Variants in TASP1 observed in about 807,000 individuals in gnomAD.
TASP1 encodes taspase 1.
Under a neutral mutation model 56.6 loss-of-function variants are expected in TASP1, and 16 were observed. The observed-to-expected ratio is 0.28, with a 90% CI of 0.19 to 0.43. TASP1 has a LOEUF of 0.43. Ranked by LOEUF, TASP1 falls within the 20% of genes least tolerant of loss-of-function variation. TASP1 has a pLI of 1.00. For synonymous variants in TASP1, 179 were observed against 184.2 expected (o/e 0.97, Z 0.23); for missense variants, 393 against 511.6 (o/e 0.77, Z 2.24).
At chr20:13,310,039 C>T in the TASP1 span, among the ~76,000 whole-genome samples, 3 of 152,108 alleles carry the variant, frequency 2.0e-5, no homozygotes, top group African/African-American at 7.2e-5. Flanking sequence ...AAATTCGATG[C>T]AATCCCTAAC....
Position 13,625,243 on chromosome 20 carries a change from T to C in TASP1, c.155A>G (p.Tyr52Cys). 1 of 1,608,196 alleles carries C rather than the reference T, an allele frequency of 6.2e-7. No individual in the cohort carries two copies. The highest frequency in any genetic ancestry group is 8.5e-7 in the Non-Finnish European group (1 of 1,178,300). The change falls in exon 3 of 14, where the codon TAT becomes TGT. Residue 52 changes from tyrosine to cysteine, a missense_variant. Physicochemically the swap from Tyr to Cys is radical, Grantham distance 194. This residue lies in a region of TASP1 where 48 missense variants were observed against 106.2 expected (regional missense o/e 0.45). Transcript: ENST00000337743. Reference protein sequence around the residue: ...GFVLVHAGAGYHSESKAKEYK... With the variant: ...GFVLVHAGAGCHSESKAKEYK... ...CTCCTTGGCTTTGGATTCAGAATGA[T>C]AACCTGCACCTAAAGTAGAAAATAA...
rs1363029086 is a variant in TASP1, at chr20:13,528,517, G to GA, written c.796-7dup. The GA allele has an allele frequency of 1.2e-6, 2 of 1,600,372 alleles. No individual in the cohort carries two copies. The highest frequency in any genetic ancestry group is 1.1e-5 in the South Asian group (1 of 88,310). On this transcript the variant is annotated splice_region_variant and splice_polypyrimidine_tract_variant and intron_variant, in intron 9 of 13. Coordinates refer to ENST00000337743, the MANE Select transcript of TASP1 (RefSeq NM_017714.3). The stretch of plus-strand genomic sequence containing the variant: ...CCACATCCATAAAGAGCAGCCTGGG[G>GA]AAAAAAGAAAATAGATATAATATTT...
At chr20:13,524,421 G>A (rs1164926370) in intron 10 of TASP1, among the ~76,000 whole-genome samples, 2 of 152,066 alleles carry the variant, frequency 1.3e-5, no homozygotes, top group African/African-American at 4.8e-5. Flanking sequence ...AAAGTCCATG[G>A]TGAATAATCT....
chr20:13,204,602 C>T, the TASP1 span, among the ~76,000 whole-genome samples: 117 of 151,762 alleles, frequency 7.7e-4, no homozygotes, highest in African/African-American at 2.6e-3. Context: ...TGCAGTGGCG[C>T]GATCTGGGCT....
At chr20:13,191,079 C>CA in the TASP1 span, among the ~76,000 whole-genome samples, 2 of 151,990 alleles carry the variant, frequency 1.3e-5, no homozygotes, top group East Asian at 3.9e-4. Context: ...ATGAAAATTA[C>CA]AAAAAATAAC....
At chr20:13,573,378 C>A (rs981710789) in intron 6 of TASP1, among the ~76,000 whole-genome samples, 7 of 152,152 alleles carry the variant, frequency 4.6e-5, no homozygotes, top group Non-Finnish European at 1.0e-4. Flanking sequence ...TAATGGGACA[C>A]TGAATCCCCC....
chr20:13,302,813 C>T, the TASP1 span, among the ~76,000 whole-genome samples: 15 of 152,218 alleles, frequency 9.9e-5, no homozygotes, highest in African/African-American at 3.6e-4. Context: ...CAGAGATGCC[C>T]ACGGCCCTCT....
intron 8 of TASP1, among the ~76,000 whole-genome samples, chr20:13,545,094 C>A (rs1186127877): frequency 6.6e-6 from 1 of 151,638 alleles, no homozygotes; most frequent in Non-Finnish European, 1.5e-5. Context: ...ATGAATATAC[C>A]CACAAAAATA....
At chr20:13,191,639 A>G in the TASP1 span, among the ~76,000 whole-genome samples, 6 of 152,312 alleles carry the variant, frequency 3.9e-5, no homozygotes, top group African/African-American at 1.4e-4. Context: ...ACAAAATTAC[A>G]GTTAGATGAG....
At chr20:13,514,688 A>G (rs1383658427) in intron 10 of TASP1, among the ~76,000 whole-genome samples, 5 of 152,154 alleles carry the variant, frequency 3.3e-5, no homozygotes, top group African/African-American at 1.2e-4. Flanking sequence ...GATTTTTTAA[A>G]ACAACTATCC....
the TASP1 span, chr20:13,110,271 C>T: frequency 7.4e-6 from 11 of 1,489,770 alleles, no homozygotes; most frequent in Non-Finnish European, 1.0e-5. Context: ...GCAAGCTGAC[C>T]AGTGCGGAAA....
At chr20:13,155,818 T>TC in the TASP1 span, among the ~76,000 whole-genome samples, 1 of 152,116 alleles carries the variant, frequency 6.6e-6, no homozygotes, top group East Asian at 1.9e-4. Context: ...AGAGCAAGAC[T>TC]CCGTCTAAAA....
At chr20:13,623,364 A>G in intron 4 of TASP1, 82 bp downstream of exon 4, 1 of 1,168,024 alleles carries the variant, frequency 8.6e-7, no homozygotes. Flanking sequence ...TTTATGGTTG[A>G]CTAACTCAAC....
the TASP1 span, among the ~76,000 whole-genome samples, chr20:13,319,121 G>A: frequency 6.6e-6 from 1 of 152,214 alleles, no homozygotes; most frequent in South Asian, 2.1e-4. Context: ...TATGGGGGCA[G>A]GGGATATTTG....
chr20:13,538,958 G>A (rs2045518812), intron 8 of TASP1, among the ~76,000 whole-genome samples: 1 of 152,092 alleles, frequency 6.6e-6, no homozygotes, highest in South Asian at 2.1e-4. Flanking sequence ...TGGGATGGGA[G>A]AATCGCTTGA....
At chr20:13,328,902 C>A in the TASP1 span, among the ~76,000 whole-genome samples, 1 of 152,114 alleles carries the variant, frequency 6.6e-6, no homozygotes, top group Non-Finnish European at 1.5e-5. Flanking sequence ...CCATGGCAAA[C>A]ATTTACCTAT....
At chr20:13,501,465 T>C (rs2043944492) in intron 10 of TASP1, among the ~76,000 whole-genome samples, 1 of 152,054 alleles carries the variant, frequency 6.6e-6, no homozygotes, top group South Asian at 2.1e-4. Flanking sequence ...CTTAACTTTT[T>C]AAGTTTCTTG....
the TASP1 span, among the ~76,000 whole-genome samples, chr20:13,159,393 C>T: frequency 6.6e-6 from 1 of 152,126 alleles, no homozygotes; most frequent in Admixed American, 6.5e-5. Flanking sequence ...ATGAAACAAT[C>T]AGGAGACCTT....
At chr20:13,105,989 T>C in the TASP1 span, among the ~76,000 whole-genome samples, 1 of 152,158 alleles carries the variant, frequency 6.6e-6, no homozygotes, top group Non-Finnish European at 1.5e-5. Context: ...GAAAGTTTAT[T>C]AACTGAAAAT....
Sources: allele counts gnomAD v4.1 joint callset (sites outside exome capture counted in the v4.1 genomes callset), GRCh38; gene constraint gnomAD v4.1.1; regional missense constraint gnomAD v4.1.1; transcripts MANE v1.5; gene names NCBI Gene and HGNC (gene_info 2026-07-23, HGNC 2026-07-21).